Variants in CEP41 observed in about 807,000 individuals in gnomAD.
CEP41 encodes centrosomal protein 41, also known as centrosomal protein of 41 kDa.
In CEP41, 32 loss-of-function variants were observed where a neutral mutation model predicts 44.3. The observed-to-expected ratio is 0.72, with a 90% CI of 0.54 to 0.97. The LOEUF (loss-of-function observed/expected upper bound fraction) is 0.97, where lower values mean the gene tolerates loss of function less well. Ranked by LOEUF, CEP41 falls within the 50% of genes least tolerant of loss-of-function variation. The probability of loss-of-function intolerance (pLI) is 0.00; values close to 1 mark genes in which losing one functional copy is unlikely to be tolerated. For missense variants in CEP41, 432 were observed against 455.2 expected (o/e 0.95, Z 0.46); for synonymous variants, 151 against 168.5 (o/e 0.90, Z 0.80).
intron 1 of CEP41, among the ~76,000 whole-genome samples, chr7:130,435,521 C>T (rs1554425974): frequency 6.6e-6 from 1 of 152,086 alleles, no homozygotes; most frequent in Non-Finnish European, 1.5e-5. Context: ...GGAAATGCAA[C>T]TTAAAACCAC....
chr7:130,423,945 A>T (rs1396220276), intron 2 of CEP41, among the ~76,000 whole-genome samples: 1 of 152,246 alleles, frequency 6.6e-6, no homozygotes, highest in Admixed American at 6.5e-5. Flanking sequence ...ATTAGTGGTT[A>T]CTCAACATAG....
At chr7:130,432,588 C>CAAAAAAAAA in intron 1 of CEP41, among the ~76,000 whole-genome samples, 1 of 59,930 alleles carries the variant, frequency 1.7e-5, no homozygotes, top group Non-Finnish European at 3.2e-5. Context: ...TTTGTTTCCA[C>CAAAAAAAAA]AAAAAAAAAA....
intron 3 of CEP41, among the ~76,000 whole-genome samples, chr7:130,414,181 C>T (rs1797267944): frequency 6.6e-6 from 1 of 152,162 alleles, no homozygotes; most frequent in Admixed American, 6.5e-5. Context: ...TCTAAAATGT[C>T]TTAAAGAGAG....
rs1437963106 is a variant in CEP41 at position 130,398,843 on chromosome 7, G to A, written c.*48C>T. On this transcript the variant is annotated 3_prime_UTR_variant, in exon 11 of 11. Transcript: ENST00000223208. ...GACCCAACTTGGGAAATGCTCAGGGGTTCTGAAAAGAGGAAGAACATTTAT... is the reference window on the plus strand; with the variant it reads ...GACCCAACTTGGGAAATGCTCAGGGATTCTGAAAAGAGGAAGAACATTTAT... The A allele has an allele frequency of 1.9e-6, 3 of 1,608,016 alleles. No individual in the cohort carries two copies. Among genetic ancestry groups the A allele is most frequent in the Non-Finnish European group, 2.6e-6 (3 of 1,174,704 alleles).
Position 130,424,698 on chromosome 7 carries a change from C to T in CEP41, c.97+3257G>A, listed in dbSNP as rs142741551. Among the ~76,000 whole-genome samples, 120 of 151,872 alleles carry T rather than the reference C, an allele frequency of 7.9e-4. 1 individual carries two copies. The East Asian group carries it at 0.022, about 28-fold the overall frequency. ...CTTGATGTGAGTCACATCTCTTATA[C>T]AAAAATTACCTCAAAGTTTATCATG... On this transcript the variant is annotated intron_variant, in intron 2 of 10. Coordinates refer to ENST00000223208, the MANE Select transcript of CEP41 (RefSeq NM_018718.3).
intron 5 of CEP41, 139 bp from the exon 6 acceptor site, chr7:130,404,847 C>G: frequency 1.3e-6 from 1 of 759,846 alleles, no homozygotes; most frequent in Non-Finnish European, 2.3e-6. Context: ...CGTACAAGTT[C>G]CCAAAGTGTA....
At position 130,396,126 on chromosome 7, in the gene CEP41, A is replaced by T. The variant is rs1192498326; in HGVS notation, c.*2765T>A. On this transcript the variant is annotated 3_prime_UTR_variant, in exon 11 of 11. Coordinates refer to ENST00000223208, the MANE Select transcript of CEP41 (RefSeq NM_018718.3). ...TTTTTCTTTTCTCCCTTCCTTAAACACAAACCCCTTTAAAGCATTTAAGGT... is the reference window on the plus strand; with the variant it reads ...TTTTTCTTTTCTCCCTTCCTTAAACTCAAACCCCTTTAAAGCATTTAAGGT... The T allele has an allele frequency of 1.1e-5, 5 of 453,446 alleles. No individual in the cohort carries two copies. In the East Asian group the frequency reaches 3.5e-4, roughly 32 times the overall value. 28.1% of individuals were successfully genotyped at this position (453,446 alleles called of 1,614,324 possible). A position where few individuals can be genotyped will look rare whatever the true frequency, so the allele number is the denominator to read the frequency against.
intron 2 of CEP41, among the ~76,000 whole-genome samples, chr7:130,425,021 C>T (rs545029814): frequency 1.6e-3 from 243 of 152,210 alleles, no homozygotes; most frequent in African/African-American, 5.3e-3. Context: ...AGCAAACAAA[C>T]GAATTAGAAC....
In CEP41 at chr7:130,398,186, C is replaced by T. The variant is rs782543502; in HGVS notation, c.*705G>A. The T allele has an allele frequency of 3.4e-4, 156 of 453,360 alleles. 1 individual carries two copies. Among genetic ancestry groups the T allele is most frequent in the Non-Finnish European group, 1.0e-4 (23 of 226,412 alleles). The allele number at this position is 453,360 out of a possible 1,614,324, so 28.1% of individuals were successfully genotyped here. A position where few individuals can be genotyped will look rare whatever the true frequency, so the allele number is the denominator to read the frequency against. On this transcript the variant is annotated 3_prime_UTR_variant, in exon 11 of 11. Transcript: ENST00000223208. ...CTTTCCCATGAGAGGCCCTCCTCCC[C>T]GGTGTGAAGACACCCACATGCATAC...
At position 130,398,330 on chromosome 7, in the gene CEP41, T is replaced by C. The variant is rs531549776; in HGVS notation, c.*561A>G. 23 of 453,980 alleles carry C rather than the reference T, an allele frequency of 5.1e-5. No homozygotes were observed. Among genetic ancestry groups the C allele is most frequent in the Non-Finnish European group, 8.4e-5 (19 of 226,782 alleles). The allele number at this position is 453,980 out of a possible 1,614,324, so 28.1% of individuals were successfully genotyped here. On this transcript the variant is annotated 3_prime_UTR_variant, in exon 11 of 11. Coordinates refer to ENST00000223208, the MANE Select transcript of CEP41 (RefSeq NM_018718.3). ...TGGCTTCCATACTCAAAACAGGGCC[T>C]GCAATATGCTGGGCAGAGAGCTCCT...
intron 5 of CEP41, chr7:130,410,911 G>GT (rs1562983885): frequency 3.2e-6 from 2 of 616,460 alleles, no homozygotes; most frequent in South Asian, 3.9e-5. Flanking sequence ...ATTTAAAACT[G>GT]TAAGTGTTAG....
intron 6 of CEP41, among the ~76,000 whole-genome samples, chr7:130,403,702 A>G (rs1448546363): frequency 1.3e-5 from 2 of 152,190 alleles, no homozygotes; most frequent in Non-Finnish European, 2.9e-5. Context: ...AATCCAATAA[A>G]CACTATAACT....
intron 2 of CEP41, 134 bp from the exon 3 acceptor site, chr7:130,417,100 C>T: frequency 7.1e-7 from 1 of 1,416,302 alleles, no homozygotes. Context: ...CAGCAGCAAA[C>T]AGGCCACACA....
At chr7:130,401,997 A>T (rs782110223) in intron 7 of CEP41, 49 bp from the exon 8 acceptor site, 3 of 1,299,782 alleles carry the variant, frequency 2.3e-6, no homozygotes, top group Non-Finnish European at 2.2e-6. Context: ...TCTTAATACA[A>T]CTTGGCCTCA....
At chr7:130,426,040 G>A (rs782605726) in intron 2 of CEP41, among the ~76,000 whole-genome samples, 24 of 152,204 alleles carry the variant, frequency 1.6e-4, no homozygotes, top group Non-Finnish European at 3.1e-4. Context: ...TAAGGAATCC[G>A]TGTGGTGATG....
rs1796711401 is a variant in CEP41 at position 130,397,732 on chromosome 7, A to ATCCT, written c.*1155_*1158dup. The stretch of plus-strand genomic sequence containing the variant: ...TTTCCATCTGATTTCAGAGTTCCTC[A>ATCCT]TCCTTACCTGAGGCCTTTTGTTCCC... On this transcript the variant is annotated 3_prime_UTR_variant, in exon 11 of 11. Coordinates refer to ENST00000223208, the MANE Select transcript of CEP41 (RefSeq NM_018718.3). 2.2e-6 allele frequency: 1 copy of ATCCT among 453,618 alleles called. No individual in the cohort carries two copies. Among genetic ancestry groups the ATCCT allele is most frequent in the South Asian group, 1.6e-5 (1 of 64,274 alleles). 28.1% of individuals were successfully genotyped at this position (453,618 alleles called of 1,614,324 possible).
At chr7:130,419,191 T>G (rs1471959878) in intron 2 of CEP41, 5 of 985,474 alleles carry the variant, frequency 5.1e-6, no homozygotes, top group Non-Finnish European at 6.0e-6. Context: ...ATACAAATAT[T>G]TGGTGAAATT....
intron 2 of CEP41, chr7:130,419,242 T>C: frequency 2.0e-6 from 2 of 985,332 alleles, no homozygotes; most frequent in South Asian, 4.7e-5. Context: ...TTCTTTTCAC[T>C]ATAGACATTC....
At chr7:130,411,343 C>T (rs957249622) in intron 4 of CEP41, 152 bp from the exon 5 acceptor site, 6 of 706,180 alleles carry the variant, frequency 8.5e-6, no homozygotes, top group Non-Finnish European at 1.5e-5. Context: ...GAATCTCAGG[C>T]CTCCTTCCTT....
Sources: allele counts gnomAD v4.1 joint callset (sites outside exome capture counted in the v4.1 genomes callset), GRCh38; gene constraint gnomAD v4.1.1; transcripts MANE v1.5; gene names NCBI Gene and HGNC (gene_info 2026-07-23, HGNC 2026-07-21).